Variants in FAM227B observed in about 807,000 individuals in gnomAD.
FAM227B encodes the protein protein FAM227B.
A neutral mutation model predicts 73.8 loss-of-function variants in FAM227B; 88 were observed. That is an observed-to-expected ratio of 1.19 (90% CI 1.00 to 1.42). The LOEUF (loss-of-function observed/expected upper bound fraction) is 1.42. Among genes scored for constraint, FAM227B ranks in the 40% most tolerant of loss-of-function variants. FAM227B has a pLI of 0.00. For synonymous variants in FAM227B, 210 were observed against 190.5 expected (o/e 1.10, Z -0.84); for missense variants, 632 against 590.9 (o/e 1.07, Z -0.72).
intron 13 of FAM227B, among the ~76,000 whole-genome samples, chr15:49,363,103 C>A (rs577753264): frequency 6.6e-6 from 1 of 152,208 alleles, no homozygotes; most frequent in Non-Finnish European, 1.5e-5. Context: ...CTTGGCTGTT[C>A]AAGCTCTTTT....
chr15:49,467,973 C>T (rs911066271), intron 11 of FAM227B, among the ~76,000 whole-genome samples: 1 of 152,158 alleles, frequency 6.6e-6, no homozygotes, highest in East Asian at 1.9e-4. Context: ...GTATATTGCA[C>T]AACCGAATAG....
chr15:49,372,076 A>AATAAAATTCACTTATAAATCAATGAC (rs2045869743), intron 11 of FAM227B, among the ~76,000 whole-genome samples: 3 of 90,322 alleles, frequency 3.3e-5, no homozygotes, highest in Admixed American at 3.1e-4. Flanking sequence ...AAATCAATGA[A>AATAAAATTCACTTATAAATCAATGAC]ATAAAATTCA....
intron 11 of FAM227B, among the ~76,000 whole-genome samples, chr15:49,450,427 T>C (rs1004657965): frequency 6.6e-6 from 1 of 152,068 alleles, no homozygotes; most frequent in South Asian, 2.1e-4. Flanking sequence ...TTCAAAACCA[T>C]CCTGAATGCC....
At chr15:49,589,116 AAAG>A (rs1464654030) in intron 4 of FAM227B, among the ~76,000 whole-genome samples, 1 of 152,160 alleles carries the variant, frequency 6.6e-6, no homozygotes, top group Non-Finnish European at 1.5e-5. Flanking sequence ...CAAATATTGA[AAAG>A]AAGTAAAAAT....
intron 13 of FAM227B, among the ~76,000 whole-genome samples, chr15:49,361,630 C>T (rs540521493): frequency 6.6e-6 from 1 of 152,242 alleles, no homozygotes; most frequent in African/African-American, 2.4e-5. Context: ...ACCACGTTTT[C>T]TTTACCTAGT....
At chr15:49,474,040 G>A (rs1412075603) in intron 11 of FAM227B, among the ~76,000 whole-genome samples, 1 of 151,968 alleles carries the variant, frequency 6.6e-6, no homozygotes, top group African/African-American at 2.4e-5. Context: ...AAAACAAAAT[G>A]TATTTTTGAT....
intron 11 of FAM227B, among the ~76,000 whole-genome samples, chr15:49,431,315 C>T (rs1220365451): frequency 6.6e-6 from 1 of 151,754 alleles, no homozygotes. Flanking sequence ...AGTTTTTTAT[C>T]TGCATTTGAG....
At chr15:49,590,155 G>T in intron 3 of FAM227B, 148 bp from the exon 4 acceptor site, 1 of 573,356 alleles carries the variant, frequency 1.7e-6, no homozygotes, top group Non-Finnish European at 3.1e-6. Flanking sequence ...AATCACAAAC[G>T]TCAGAAAAGT....
chr15:49,388,739 G>A (rs1259470877), intron 11 of FAM227B, among the ~76,000 whole-genome samples: 3 of 151,698 alleles, frequency 2.0e-5, no homozygotes, highest in South Asian at 2.1e-4. Flanking sequence ...CTACACATCC[G>A]AAAAAGGACT....
intron 3 of FAM227B, among the ~76,000 whole-genome samples, chr15:49,595,494 G>C (rs1015457656): frequency 6.6e-6 from 1 of 151,910 alleles, no homozygotes; most frequent in African/African-American, 2.4e-5. Context: ...AATAGAAGTG[G>C]TGAAAGTGGG....
intron 10 of FAM227B, among the ~76,000 whole-genome samples, chr15:49,532,867 C>T (rs2152234317): frequency 6.6e-6 from 1 of 151,998 alleles, no homozygotes; most frequent in Non-Finnish European, 1.5e-5. Flanking sequence ...TTTATCTTTA[C>T]AAATATTTGT....
Position 49,328,208 on chromosome 15 carries a change from G to C in FAM227B, c.*360C>G, listed in dbSNP as rs760278080. 3.8e-6 allele frequency: 6 copies of C among 1,561,096 alleles called. No homozygotes were observed. The African/African-American group carries it at 6.8e-5, about 18-fold the overall frequency. ...AACTACTTAGGGCACTTAGGAATTG[G>C]CAGGACTTTCTGTGCCACAGTAAAT... On this transcript the variant is annotated 3_prime_UTR_variant, in exon 16 of 16. Transcript: ENST00000299338.
At chr15:49,355,275 G>T (rs192357043) in intron 13 of FAM227B, among the ~76,000 whole-genome samples, 1 of 152,186 alleles carries the variant, frequency 6.6e-6, no homozygotes, top group Non-Finnish European at 1.5e-5. Flanking sequence ...GAAGGCTTCA[G>T]ACTATCAAAT....
chr15:49,446,184 A>C (rs2052191707), intron 11 of FAM227B, among the ~76,000 whole-genome samples: 1 of 151,616 alleles, frequency 6.6e-6, no homozygotes, highest in South Asian at 2.1e-4. Context: ...TCACTGATAA[A>C]TATGGGAACA....
chr15:49,435,430 T>C (rs999121694), intron 11 of FAM227B, among the ~76,000 whole-genome samples: 3 of 151,672 alleles, frequency 2.0e-5, no homozygotes, highest in Admixed American at 6.6e-5. Context: ...AGACACTCAG[T>C]AGTCAAGCAG....
chr15:49,508,828 C>T (rs111979948), intron 10 of FAM227B, among the ~76,000 whole-genome samples: 83 of 152,166 alleles, frequency 5.5e-4, no homozygotes, highest in African/African-American at 1.9e-3. Flanking sequence ...AGATAGATTG[C>T]CTATGTTTTA....
chr15:49,424,315 G>A (rs2151748977), intron 11 of FAM227B: 1 of 1,613,416 alleles, frequency 6.2e-7, no homozygotes, highest in East Asian at 2.2e-5. Flanking sequence ...AATGGATACT[G>A]ACATGGATCC....
At chr15:49,504,261 C>T (rs1451095232) in intron 11 of FAM227B, among the ~76,000 whole-genome samples, 4 of 136,916 alleles carry the variant, frequency 2.9e-5, no homozygotes, top group African/African-American at 8.4e-5. Context: ...GAACATCACA[C>T]CCCGGGGCCT....
intron 11 of FAM227B, among the ~76,000 whole-genome samples, chr15:49,402,915 T>C (rs1197582529): frequency 6.6e-6 from 1 of 152,194 alleles, no homozygotes; most frequent in Non-Finnish European, 1.5e-5. Context: ...TGGCTGTGGG[T>C]CTGTCATATA....
Sources: allele counts gnomAD v4.1 joint callset (sites outside exome capture counted in the v4.1 genomes callset), GRCh38; gene constraint gnomAD v4.1.1; transcripts MANE v1.5; gene names NCBI Gene and HGNC (gene_info 2026-07-23, HGNC 2026-07-21).